Variants in BMPER observed in about 807,000 individuals in gnomAD.
BMPER encodes BMP-binding endothelial regulator protein.
Under a neutral mutation model 87.3 loss-of-function variants are expected in BMPER, and 45 were observed. The observed-to-expected ratio is 0.52, with a 90% CI of 0.41 to 0.66. The LOEUF (loss-of-function observed/expected upper bound fraction) is 0.66. BMPER is among the 30% of genes least tolerant of loss of function. The pLI is 0.00. For synonymous variants in BMPER, 326 were observed against 316.2 expected (o/e 1.03, Z -0.33); for missense variants, 784 against 867.5 (o/e 0.90, Z 1.21).
At chr7:33,937,975 CTT>C (rs1375322020) in intron 3 of BMPER, among the ~76,000 whole-genome samples, 5 of 152,204 alleles carry the variant, frequency 3.3e-5, no homozygotes, top group Non-Finnish European at 7.3e-5. Flanking sequence ...TCACCTCTCT[CTT>C]GGCCTTAGTG....
At chr7:34,054,698 G>A (rs183093543) in intron 8 of BMPER, among the ~76,000 whole-genome samples, 2 of 152,294 alleles carry the variant, frequency 1.3e-5, no homozygotes, top group Non-Finnish European at 2.9e-5. Context: ...TCCTGAGGTG[G>A]TGCCTTTGCT....
At chr7:34,029,547 C>A (rs1484014314) in intron 6 of BMPER, among the ~76,000 whole-genome samples, 1 of 152,080 alleles carries the variant, frequency 6.6e-6, no homozygotes, top group Non-Finnish European at 1.5e-5. Context: ...CCAAACCAAC[C>A]CAGTCTCAGC....
intron 6 of BMPER, among the ~76,000 whole-genome samples, chr7:33,993,431 T>C (rs1786291140): frequency 6.6e-6 from 1 of 152,188 alleles, no homozygotes; most frequent in Non-Finnish European, 1.5e-5. Flanking sequence ...GCTTCTGCAT[T>C]CTTCACGTAG....
At chr7:33,957,931 T>C (rs1390297519) in intron 3 of BMPER, among the ~76,000 whole-genome samples, 2 of 152,224 alleles carry the variant, frequency 1.3e-5, no homozygotes, top group African/African-American at 4.8e-5. Context: ...GTGACACAGA[T>C]GGTGTTTCAT....
intron 13 of BMPER, among the ~76,000 whole-genome samples, chr7:34,103,986 A>G (rs908738396): frequency 6.6e-5 from 10 of 152,218 alleles, no homozygotes; most frequent in Non-Finnish European, 1.5e-4. Flanking sequence ...TCATCTGACA[A>G]TAACTTATGT....
At chr7:33,905,415 G>C, upstream of BMPER, 26 of 178,614 alleles carry the variant, frequency 1.5e-4, no homozygotes, top group South Asian at 3.4e-4. Flanking sequence ...CCTCCTCCCC[G>C]GGCGCCCCCA....
At chr7:34,019,925 T>C (rs551626987) in intron 6 of BMPER, among the ~76,000 whole-genome samples, 13 of 151,390 alleles carry the variant, frequency 8.6e-5, no homozygotes, top group African/African-American at 3.1e-4. Flanking sequence ...TGGAGGAAGC[T>C]GTTCTGTAAG....
rs370365732 is a variant in BMPER, at chr7:33,948,934, TGAGA to T, written c.319+11565_319+11568del. The stretch of plus-strand genomic sequence containing the variant: ...CTCTAGAGATAAACAAGAGAGAAAG[TGAGA>T]GAGAGAGAGAGAGAGAGAAATGAAC... On this transcript the variant is annotated intron_variant, in intron 3 of 14. Transcript: ENST00000649409. Among the ~76,000 whole-genome samples, 1,259 of 146,660 alleles carry T rather than the reference TGAGA, an allele frequency of 8.6e-3. 20 individuals are homozygous for T. Among genetic ancestry groups the T allele is most frequent in the African/African-American group, 0.029 (1,144 of 40,082 alleles).
rs76790893 is a variant in BMPER, at chr7:34,038,016, A to C, written c.577-8290A>C. On this transcript the variant is annotated intron_variant, in intron 6 of 14. Coordinates refer to ENST00000649409, the MANE Select transcript of BMPER (RefSeq NM_001365308.1). ...ATATGACATTTGGGACTACACAGAG[A>C]AATTAAATGTCATTTATTTAATAAT... 1.6e-4 allele frequency among the ~76,000 whole-genome samples: 25 copies of C among 152,292 alleles called. No individual in the cohort carries two copies. The East Asian group carries it at 3.3e-3, about 20-fold the overall frequency.
At chr7:34,045,746 G>T (rs1036138234) in intron 6 of BMPER, among the ~76,000 whole-genome samples, 1 of 152,142 alleles carries the variant, frequency 6.6e-6, no homozygotes, top group Non-Finnish European at 1.5e-5. Flanking sequence ...GAACCTCCTT[G>T]AGCCATTTTA....
rs548920144 is a variant in BMPER, at chr7:33,961,788, G to A, written c.320-4691G>A. Among the ~76,000 whole-genome samples, 5 of 152,264 alleles carry A rather than the reference G, an allele frequency of 3.3e-5. No individual in the cohort carries two copies. In the South Asian group the frequency reaches 1.0e-3, roughly 32 times the overall value. On this transcript the variant is annotated intron_variant, in intron 3 of 14. Coordinates refer to ENST00000649409, the MANE Select transcript of BMPER (RefSeq NM_001365308.1). ...CCAGATTGCCTTAGTTGAGGAACTTGAACATGCATTCAGAAGCTTGTGAGT... is the reference window on the plus strand; with the variant it reads ...CCAGATTGCCTTAGTTGAGGAACTTAAACATGCATTCAGAAGCTTGTGAGT...
chr7:33,908,897 A>C (rs1261074330), intron 2 of BMPER, among the ~76,000 whole-genome samples: 1 of 152,212 alleles, frequency 6.6e-6, no homozygotes, highest in African/African-American at 2.4e-5. Flanking sequence ...GGTAAAATTG[A>C]GTAATAATAG....
intron 2 of BMPER, among the ~76,000 whole-genome samples, chr7:33,913,250 G>A: frequency 6.6e-6 from 1 of 152,186 alleles, no homozygotes; most frequent in Admixed American, 6.5e-5. Context: ...CGTCTATTGT[G>A]CCCAAAGCTG....
intron 6 of BMPER, among the ~76,000 whole-genome samples, chr7:34,031,291 C>T (rs1787511126): frequency 6.6e-6 from 1 of 152,082 alleles, no homozygotes; most frequent in Non-Finnish European, 1.5e-5. Context: ...TGTGTGTCAG[C>T]ATGTGCTGTT....
intron 11 of BMPER, among the ~76,000 whole-genome samples, chr7:34,071,108 A>G (rs1032803976): frequency 1.2e-4 from 18 of 152,198 alleles, no homozygotes; most frequent in African/African-American, 4.3e-4. Context: ...GGCTTACTTC[A>G]TTCTAGCCCC....
chr7:34,025,933 G>A (rs1787346142), intron 6 of BMPER, among the ~76,000 whole-genome samples: 1 of 152,018 alleles, frequency 6.6e-6, no homozygotes, highest in Non-Finnish European at 1.5e-5. Flanking sequence ...CAGGGAGTGT[G>A]TGAGGGCAGG....
chr7:33,985,566 T>G (rs947232558), intron 6 of BMPER, among the ~76,000 whole-genome samples: 49 of 152,304 alleles, frequency 3.2e-4, no homozygotes, highest in African/African-American at 1.1e-3. Context: ...TGTGTGTTGC[T>G]GAAGTACTTC....
chr7:33,992,524 A>G (rs1218273601), intron 6 of BMPER, among the ~76,000 whole-genome samples: 1 of 148,522 alleles, frequency 6.7e-6, no homozygotes, highest in Non-Finnish European at 1.5e-5. Context: ...TGCACGTGAG[A>G]TGGGTTTCCT....
At chr7:34,025,233 T>C (rs531747714) in intron 6 of BMPER, among the ~76,000 whole-genome samples, 16 of 152,204 alleles carry the variant, frequency 1.1e-4, no homozygotes, top group Non-Finnish European at 2.2e-4. Flanking sequence ...AAATGACTTA[T>C]AATATTTTAA....
Sources: gnomAD v4.1 joint callset for allele counts (sites outside exome capture counted in the v4.1 genomes callset) on GRCh38, gnomAD v4.1.1 for gene constraint, MANE v1.5 for transcripts, NCBI Gene and HGNC (gene_info 2026-07-23, HGNC 2026-07-21) for gene names.